FHDC1: variants seen among roughly 807,000 people sequenced by gnomAD.
FHDC1 encodes the protein FH2 domain-containing protein 1.
A neutral mutation model predicts 52.6 loss-of-function variants in FHDC1; 25 were observed. That is an observed-to-expected ratio of 0.48 (90% CI 0.35 to 0.66). The LOEUF (loss-of-function observed/expected upper bound fraction) is 0.66. Ranked by LOEUF, FHDC1 falls within the 30% of genes least tolerant of loss-of-function variation. The pLI, the probability that FHDC1 is intolerant of heterozygous loss-of-function variation, is 0.01. For synonymous variants in FHDC1, 616 were observed against 581.5 expected (o/e 1.06, Z -0.85); for missense variants, 1,459 against 1,452.8 (o/e 1.00, Z -0.07).
At position 152,943,399 on chromosome 4, in the gene FHDC1, C is replaced by G; in HGVS notation, c.342C>G (p.Thr114=). 6.2e-7 allele frequency: 1 copy of G among 1,614,060 alleles called. No homozygotes were observed. Among genetic ancestry groups the G allele is most frequent in the Non-Finnish European group, 8.5e-7 (1 of 1,180,028 alleles). ...CGGAGGAGCAAGTTCGAGGCAAAACCAACATCTGGACCTTGGCAGCCAGGC... is the reference window on the plus strand; with the variant it reads ...CGGAGGAGCAAGTTCGAGGCAAAACGAACATCTGGACCTTGGCAGCCAGGC... ...TIPEEQVRGK[T]NIWTLAARQE... The change falls in exon 2 of 12, where the codon ACC becomes ACG. Residue 114 remains threonine, a synonymous_variant. Transcript: ENST00000511601.
rs930836667 is a variant in FHDC1 at position 152,958,155 on chromosome 4, TTAGA to T, written c.664-2406_664-2403del. Among the ~76,000 whole-genome samples the T allele has an allele frequency of 3.0e-4, 46 of 152,230 alleles. 1 individual carries two copies. The highest frequency in any genetic ancestry group is 9.8e-4 in the Admixed American group (15 of 15,286). On this transcript the variant is annotated intron_variant, in intron 4 of 11. Transcript: ENST00000511601. ...GCCATTTCAAGCCATGTGACTGGAA[TTAGA>T]TAGGATGAAGGAGGTGTGCCCTTTG...
At chr4:152,942,885 CTGTT>C (rs1173994047) in intron 1 of FHDC1, 39 bp from the exon 2 acceptor site, 1 of 663,844 alleles carries the variant, frequency 1.5e-6, no homozygotes, top group Non-Finnish European at 2.5e-6. Flanking sequence ...TGATGCGAAA[CTGTT>C]TGTCTGTAAC....
At chr4:152,944,855 T>G (rs1739681391) in intron 2 of FHDC1, among the ~76,000 whole-genome samples, 1 of 152,238 alleles carries the variant, frequency 6.6e-6, no homozygotes, top group Admixed American at 6.5e-5. Flanking sequence ...CCTTTCAATA[T>G]TGGAAGGAGC....
chr4:152,963,910 C>T (rs1385127924), intron 8 of FHDC1, among the ~76,000 whole-genome samples: 3 of 145,060 alleles, frequency 2.1e-5, no homozygotes, highest in African/African-American at 7.6e-5. Context: ...ATTGGCTTTT[C>T]CTCCATTGAA....
At chr4:152,974,491 CACACACATGCGT>C (rs1005332360) in intron 11 of FHDC1, among the ~76,000 whole-genome samples, 172 bp from the exon 12 acceptor site, 139 of 152,206 alleles carry the variant, frequency 9.1e-4, no homozygotes, top group African/African-American at 3.1e-3. Flanking sequence ...CCTCTACACA[CACACACATGCGT>C]ACACACACAC....
chr4:152,944,291 A>G (rs913211678), intron 2 of FHDC1, among the ~76,000 whole-genome samples: 3 of 152,228 alleles, frequency 2.0e-5, no homozygotes, highest in African/African-American at 7.2e-5. Context: ...AATTACATTT[A>G]TAAGTATTGT....
chr4:152,920,795 C>T, the FHDC1 span, among the ~76,000 whole-genome samples: 1 of 151,818 alleles, frequency 6.6e-6, no homozygotes, highest in East Asian at 1.9e-4. Flanking sequence ...AAAAGTAAAT[C>T]AATACCTTAA....
chr4:152,945,497 C>T (rs1739702637), intron 2 of FHDC1, among the ~76,000 whole-genome samples: 2 of 152,122 alleles, frequency 1.3e-5, no homozygotes, highest in Non-Finnish European at 2.9e-5. Flanking sequence ...CATTCTGTCA[C>T]CCAGGCTGGA....
At chr4:152,932,581 G>T (rs189899252), upstream of FHDC1, among the ~76,000 whole-genome samples, 1 of 152,300 alleles carries the variant, frequency 6.6e-6, no homozygotes, top group Admixed American at 6.5e-5. Context: ...CCATAATGTG[G>T]ACAGAGTTTG....
Position 152,974,885 on chromosome 4 carries a change from C to A in FHDC1, c.1594C>A (p.Arg532=), listed in dbSNP as rs768983241. The A allele has an allele frequency of 1.2e-6, 2 of 1,606,866 alleles. No homozygotes were observed. Among genetic ancestry groups the A allele is most frequent in the South Asian group, 2.2e-5 (2 of 90,254 alleles). Residue 532 remains arginine (R), a synonymous_variant, in exon 12 of 12, where the codon CGG becomes AGG. Coordinates refer to ENST00000511601, the MANE Select transcript of FHDC1 (RefSeq NM_001371116.1). ...RPISPSSPSY[R]PPNTRRSRLS... is the part of the protein sequence containing the mutation. ...CATCAGCCCCTCCAGCCCCTCCTAC[C>A]GGCCCCCGAACACCCGCCGCTCCCG... is the stretch of plus-strand genomic sequence containing the variant.
At chr4:152,943,804 A>G (rs189972279) in intron 2 of FHDC1, among the ~76,000 whole-genome samples, 2 of 152,242 alleles carry the variant, frequency 1.3e-5, no homozygotes, top group Non-Finnish European at 1.5e-5. Flanking sequence ...AGAACATGCT[A>G]TTTGGGATCA....
chr4:152,975,917 AAGCCCGGGAGCGCCCGGC>A lies in FHDC1; in HGVS notation c.2627_2644del (p.Lys876_Arg881del). ...GAAAGAGGCGTCTCCCGGGGCCTCC[AAGCCCGGGAGCGCCCGGC>A]GGAGCCAGGGGGCAGTGGCCAAGTC... On this transcript the variant is annotated inframe_deletion, in exon 12 of 12. Coordinates refer to ENST00000511601, the MANE Select transcript of FHDC1 (RefSeq NM_001371116.1). 6.6e-7 allele frequency: 1 copy of A among 1,514,374 alleles called. No individual in the cohort carries two copies. The highest frequency in any genetic ancestry group is 1.4e-5 in the South Asian group (1 of 73,558). The allele number at this position is 1,514,374 out of a possible 1,614,324, so 93.8% of individuals were successfully genotyped here.
chr4:152,971,888 G>A (rs1740649797), intron 10 of FHDC1, among the ~76,000 whole-genome samples: 1 of 152,166 alleles, frequency 6.6e-6, no homozygotes, highest in African/African-American at 2.4e-5. Flanking sequence ...CCCTCACAGA[G>A]CTCATTTGGG....
intron 1 of FHDC1, among the ~76,000 whole-genome samples, chr4:152,938,407 A>ACGGAC (rs994332289): frequency 3.9e-5 from 6 of 152,076 alleles, no homozygotes; most frequent in African/African-American, 1.4e-4. Context: ...GAAGAGCTGG[A>ACGGAC]CGGTCCGGCT....
chr4:152,935,167 T>C (rs756770164), upstream of FHDC1, among the ~76,000 whole-genome samples: 2 of 152,048 alleles, frequency 1.3e-5, no homozygotes, highest in Non-Finnish European at 2.9e-5. Flanking sequence ...TTGATTGGTT[T>C]GTTTACACTA....
chr4:152,943,739 G>A (rs529324069), intron 2 of FHDC1, among the ~76,000 whole-genome samples, 184 bp downstream of exon 2: 1 of 152,298 alleles, frequency 6.6e-6, no homozygotes, highest in African/African-American at 2.4e-5. Flanking sequence ...GAAAGCGTAA[G>A]AAGTATGCGT....
At chr4:152,970,333 A>C (rs544268376) in intron 10 of FHDC1, among the ~76,000 whole-genome samples, 31 of 152,352 alleles carry the variant, frequency 2.0e-4, no homozygotes, top group Admixed American at 7.8e-4. Context: ...TTGCTTTGCC[A>C]GTGTAGCTTT....
upstream of FHDC1, among the ~76,000 whole-genome samples, chr4:152,934,426 C>T (rs536040659): frequency 3.3e-5 from 5 of 152,294 alleles, no homozygotes; most frequent in Admixed American, 3.3e-4. Flanking sequence ...GAGTCCCTGA[C>T]ATTGAAGAGA....
intron 1 of FHDC1, among the ~76,000 whole-genome samples, chr4:152,939,639 A>G (rs1291293668): frequency 6.6e-6 from 1 of 152,202 alleles, no homozygotes; most frequent in Non-Finnish European, 1.5e-5. Context: ...AAGATGCTCA[A>G]CTGAGCTACA....
Sources: gnomAD v4.1 joint callset for allele counts (sites outside exome capture counted in the v4.1 genomes callset) on GRCh38, gnomAD v4.1.1 for gene constraint, MANE v1.5 for transcripts, NCBI Gene and HGNC (gene_info 2026-07-23, HGNC 2026-07-21) for gene names.